Variants in LSM7 observed in about 807,000 individuals in gnomAD.
LSM7 encodes the protein U6 snRNA-associated Sm-like protein LSm7.
In LSM7, 13 loss-of-function variants were observed where a neutral mutation model predicts 14.1. That is an observed-to-expected ratio of 0.92 (90% CI 0.60 to 1.47). The LOEUF (loss-of-function observed/expected upper bound fraction) is 1.47, where lower values mean the gene tolerates loss of function less well. Among genes scored for constraint, LSM7 ranks in the 40% most tolerant of loss-of-function variants. The pLI is 0.00. For missense variants in LSM7, 108 were observed against 140.8 expected, an observed-to-expected ratio of 0.77 and a Z score of 1.18; for synonymous variants, 70 against 57.1, an observed-to-expected ratio of 1.23 and a Z score of -1.02.
intron 3 of LSM7, among the ~76,000 whole-genome samples, 168 bp downstream of exon 3, chr19:2,323,957 C>A (rs1042993751): frequency 6.6e-6 from 1 of 152,164 alleles, no homozygotes. Flanking sequence ...TCGGCCGCCA[C>A]GAGGCTTCAC....
rs374796708 is a variant in LSM7, at chr19:2,324,242, G to A, written c.98-46C>T. The A allele has an allele frequency of 6.5e-5, 95 of 1,470,990 alleles. No individual in the cohort carries two copies. The African/African-American group carries it at 6.6e-4, about 10-fold the overall frequency. The allele number at this position is 1,470,990 out of a possible 1,614,324, so 91.1% of individuals were successfully genotyped here. On this transcript the variant is annotated intron_variant, in intron 2 of 3. Transcript: ENST00000252622. Reference sequence around the variant, plus strand: ...AGAGAAAAGAGAAGGCATGAGATCCGTCCTGGGCGCAGGGCCCGCCCCAGC... The same window carrying A: ...AGAGAAAAGAGAAGGCATGAGATCCATCCTGGGCGCAGGGCCCGCCCCAGC...
intron 3 of LSM7, among the ~76,000 whole-genome samples, chr19:2,322,140 G>T (rs1348805707): frequency 6.6e-6 from 1 of 152,122 alleles, no homozygotes; most frequent in Non-Finnish European, 1.5e-5. Context: ...AGGCACCAGG[G>T]CCGGGAACCA....
intron 2 of LSM7, among the ~76,000 whole-genome samples, chr19:2,325,499 T>G (rs1968000718): frequency 6.6e-6 from 1 of 151,688 alleles, no homozygotes; most frequent in South Asian, 2.1e-4. Flanking sequence ...CACGCCAATC[T>G]CAGGAAGCAG....
At chr19:2,327,442 C>T (rs1468252052) in intron 2 of LSM7, among the ~76,000 whole-genome samples, 1 of 152,084 alleles carries the variant, frequency 6.6e-6, no homozygotes, top group South Asian at 2.1e-4. Flanking sequence ...AGGGTTTCAC[C>T]ACGTAGGCCA....
At chr19:2,327,033 C>T (rs1156770119) in intron 2 of LSM7, among the ~76,000 whole-genome samples, 1 of 152,320 alleles carries the variant, frequency 6.6e-6, no homozygotes, top group East Asian at 1.9e-4. Flanking sequence ...AAAAACAACC[C>T]TCAGTTACAA....
chr19:2,321,582 C>T lies in LSM7; in HGVS notation c.*98G>A, dbSNP rs533472398. The T allele has an allele frequency of 3.3e-6, 4 of 1,228,516 alleles. No homozygotes were observed. The highest frequency in any genetic ancestry group is 4.2e-6 in the Non-Finnish European group (4 of 961,080). The allele number at this position is 1,228,516 out of a possible 1,614,324, so 76.1% of individuals were successfully genotyped here. A position where few individuals can be genotyped will look rare whatever the true frequency, so the allele number is the denominator to read the frequency against. ...AACCTATACAAAAAGGAAAATGCTTCCGTTCCAGGAGGCGGTACTGCGGTG... is the reference window on the plus strand; with the variant it reads ...AACCTATACAAAAAGGAAAATGCTTTCGTTCCAGGAGGCGGTACTGCGGTG... On this transcript the variant is annotated 3_prime_UTR_variant, in exon 4 of 4. Transcript: ENST00000252622. The surrounding 1 kb of genome is among the most constrained non-coding windows in gnomAD (Gnocchi z 5.0).
intron 3 of LSM7, among the ~76,000 whole-genome samples, chr19:2,322,221 AG>A (rs927729926): frequency 3.9e-5 from 6 of 152,166 alleles, no homozygotes; most frequent in Admixed American, 3.9e-4. Context: ...CTGGAGCCCT[AG>A]GGGGCCAATA....
chr19:2,326,989 G>T lies in LSM7; in HGVS notation c.97+1398C>A, dbSNP rs886883. Among the ~76,000 whole-genome samples the T allele has an allele frequency of 9.9e-5, 15 of 152,038 alleles. No homozygotes were observed. In the East Asian group the frequency reaches 2.5e-3, roughly 25 times the overall value. ...CACTGAGCTCTGTCAATAACCAGTG[G>T]GCTCAGAAGAAGACCCCAAGATGAT... On this transcript the variant is annotated intron_variant, in intron 2 of 3. Coordinates refer to ENST00000252622, the MANE Select transcript of LSM7 (RefSeq NM_016199.3).
chr19:2,327,679 C>T (rs561035333), intron 2 of LSM7, among the ~76,000 whole-genome samples: 12 of 152,198 alleles, frequency 7.9e-5, no homozygotes, highest in Non-Finnish European at 1.6e-4. Context: ...TGGGATTACA[C>T]ACGTGAGCCG....
At chr19:2,324,339 C>T (rs1967982645) in intron 2 of LSM7, 143 bp from the exon 3 acceptor site, 12 of 649,860 alleles carry the variant, frequency 1.8e-5, no homozygotes, top group South Asian at 3.5e-5. Context: ...CGGGAGTGGC[C>T]GATGACAGCC....
chr19:2,324,230 G>C, intron 2 of LSM7, 34 bp from the exon 3 acceptor site: 2 of 1,515,566 alleles, frequency 1.3e-6, no homozygotes, highest in Non-Finnish European at 1.8e-6. Flanking sequence ...GAAAAGAGAA[G>C]GCATGAGATC....
In LSM7 at chr19:2,322,364, C is replaced by T. The variant is rs571521950; in HGVS notation, c.170-542G>A. 5.3e-5 allele frequency among the ~76,000 whole-genome samples: 8 copies of T among 152,114 alleles called. No individual in the cohort carries two copies. The South Asian group carries it at 1.7e-3, about 32-fold the overall frequency. ...ACCATCCTGGCTAACTTGGTGAAAC[C>T]CCGTCTCTACTAAAAAATACAAAAA... On this transcript the variant is annotated intron_variant, in intron 3 of 3. Coordinates refer to ENST00000252622, the MANE Select transcript of LSM7 (RefSeq NM_016199.3).
At chr19:2,325,190 C>G (rs1967995873) in intron 2 of LSM7, among the ~76,000 whole-genome samples, 2 of 152,162 alleles carry the variant, frequency 1.3e-5, no homozygotes, top group Admixed American at 1.3e-4. Context: ...TTAGGGCTCT[C>G]TGACCCGGTG....
Position 2,324,210 on chromosome 19 carries a change from C to A in LSM7, c.98-14G>T. 2.6e-6 allele frequency: 4 copies of A among 1,566,006 alleles called. No individual in the cohort carries two copies. Among genetic ancestry groups the A allele is most frequent in the Non-Finnish European group, 3.5e-6 (4 of 1,154,854 alleles). ...GGATTCCACTGGCTTGGAGAAATCACCGGGGGAGAGAAAAGAGAAGGCATG... is the reference window on the plus strand; with the variant it reads ...GGATTCCACTGGCTTGGAGAAATCAACGGGGGAGAGAAAAGAGAAGGCATG... On this transcript the variant is annotated splice_polypyrimidine_tract_variant and intron_variant, in intron 2 of 3. Coordinates refer to ENST00000252622, the MANE Select transcript of LSM7 (RefSeq NM_016199.3).
Position 2,328,551 on chromosome 19 carries a change from G to T in LSM7, c.6+10C>A, listed in dbSNP as rs775318290. ...ACGCCCCCCGGCTCCAGATTCCGCCGCGCGCTCACCGCCATCTTGTCGCGC... is the reference window on the plus strand; with the variant it reads ...ACGCCCCCCGGCTCCAGATTCCGCCTCGCGCTCACCGCCATCTTGTCGCGC... On this transcript the variant is annotated intron_variant, in intron 1 of 3. Coordinates refer to ENST00000252622, the MANE Select transcript of LSM7 (RefSeq NM_016199.3). 1.8e-5 allele frequency: 28 copies of T among 1,595,772 alleles called. No individual in the cohort carries two copies. The highest frequency in any genetic ancestry group is 2.3e-5 in the East Asian group (1 of 44,096).
intron 3 of LSM7, 97 bp downstream of exon 3, chr19:2,324,028 C>T (rs1967976263): frequency 1.1e-6 from 1 of 903,726 alleles, no homozygotes; most frequent in South Asian, 1.7e-5. Context: ...AGCCCCACGG[C>T]TGCCCCCCTC....
intron 2 of LSM7, chr19:2,324,533 A>G: frequency 2.8e-6 from 1 of 357,606 alleles, no homozygotes; most frequent in Admixed American, 4.0e-5. Flanking sequence ...CTCTACTCAC[A>G]GGCACTGAAC....
chr19:2,326,312 T>TTTTGTG (rs1491525398), intron 2 of LSM7, among the ~76,000 whole-genome samples: 16 of 129,782 alleles, frequency 1.2e-4, no homozygotes, highest in African/African-American at 2.8e-4. Flanking sequence ...TTTCTGCTTT[T>TTTTGTG]TGTGTGTGTG....
chr19:2,324,352 C>G (rs1484779736), intron 2 of LSM7, 156 bp from the exon 3 acceptor site: 1 of 631,626 alleles, frequency 1.6e-6, no homozygotes, highest in Admixed American at 2.4e-5. Context: ...TGACAGCCGC[C>G]TCCAGAGTGA....
Sources: allele counts gnomAD v4.1 joint callset (sites outside exome capture counted in the v4.1 genomes callset), GRCh38; gene constraint gnomAD v4.1.1; non-coding constraint Gnocchi (gnomAD v3.1); transcripts MANE v1.5; gene names NCBI Gene and HGNC (gene_info 2026-07-23, HGNC 2026-07-21).